FHOD3: variants seen among roughly 807,000 people sequenced by gnomAD.
FHOD3 encodes formin homology 2 domain containing 3, also known as FH1/FH2 domain-containing protein 3.
FHOD3 carries 90 observed loss-of-function variants against 173.0 expected under a neutral mutation model. That is an observed-to-expected ratio of 0.52 (90% CI 0.44 to 0.62). The LOEUF (loss-of-function observed/expected upper bound fraction) is 0.62, where lower values mean the gene tolerates loss of function less well. Among genes scored for constraint, FHOD3 ranks in the 20% least tolerant of loss-of-function variants. The pLI is 0.00. For synonymous variants in FHOD3, 828 were observed against 823.0 expected (o/e 1.01, Z -0.10); for missense variants, 1,945 against 2,034.7 (o/e 0.96, Z 0.85).
intron 2 of FHOD3, among the ~76,000 whole-genome samples, chr18:36,363,580 G>A (rs968805416): frequency 6.6e-6 from 1 of 152,138 alleles, no homozygotes; most frequent in Non-Finnish European, 1.5e-5. Flanking sequence ...ATGACATTCC[G>A]AGAAAGGCAA....
chr18:36,771,579 T>C lies in FHOD3; in HGVS notation c.4786+2153T>C, dbSNP rs56968817. 4.0e-3 allele frequency among the ~76,000 whole-genome samples: 604 copies of C among 152,364 alleles called. 5 individuals are homozygous for C. Among genetic ancestry groups the C allele is most frequent in the African/African-American group, 0.014 (564 of 41,582 alleles). ...ACTTCCAAAAGATTTTTTGAGGTCT[T>C]AAGTAGTTTATCTTCAGTAGTTGCC... On this transcript the variant is annotated intron_variant, in intron 28 of 28. Coordinates refer to ENST00000590592, the MANE Select transcript of FHOD3 (RefSeq NM_001281740.3).
intron 1 of FHOD3, among the ~76,000 whole-genome samples, chr18:36,335,450 G>C (rs1390411564): frequency 1.4e-4 from 21 of 150,324 alleles, no homozygotes; most frequent in South Asian, 4.2e-4. Flanking sequence ...AGCCGAGATC[G>C]CGCCACTGCA....
chr18:36,347,940 T>A (rs1203344351), intron 1 of FHOD3, among the ~76,000 whole-genome samples: 2 of 152,368 alleles, frequency 1.3e-5, no homozygotes, highest in East Asian at 3.9e-4. Context: ...ATGAAATGAA[T>A]ACCACATTCT....
In FHOD3 at chr18:36,652,643, G is replaced by A. The variant is rs770189888; in HGVS notation, c.1360G>A (p.Val454Ile). 2 of 1,535,366 alleles carry A rather than the reference G, an allele frequency of 1.3e-6. No homozygotes were observed. The highest frequency in any genetic ancestry group is 1.4e-5 in the African/African-American group (1 of 73,026). ...AAPKSSALPA[V>I]SNASSQGKPL... ...TCCCAAGAGCTCTGCCCTCCCTGCT[G>A]TCTCGAATGCCAGCTCGCAGGGAAA... The change falls in exon 12 of 29, where the codon GTC becomes ATC. Residue 454 changes from valine (V) to isoleucine (I), a missense_variant. Val to Ile is a conservative substitution (Grantham distance 29). This residue lies in a region of FHOD3 where 1,099 missense variants were observed against 1,051.2 expected (regional missense o/e 1.05). Coordinates refer to ENST00000590592, the MANE Select transcript of FHOD3 (RefSeq NM_001281740.3).
intron 3 of FHOD3, among the ~76,000 whole-genome samples, chr18:36,438,735 C>T (rs2143614353): frequency 6.6e-6 from 1 of 152,306 alleles, no homozygotes; most frequent in African/African-American, 2.4e-5. Flanking sequence ...GGCTCAGGCC[C>T]TCTCACTCTC....
chr18:36,722,359 C>CA (rs2040836415), intron 19 of FHOD3, among the ~76,000 whole-genome samples: 1 of 152,138 alleles, frequency 6.6e-6, no homozygotes, highest in African/African-American at 2.4e-5. Context: ...CTCCTGTTCT[C>CA]AAAGGGCAGC....
At chr18:36,622,594 G>A (rs1018078584) in intron 9 of FHOD3, among the ~76,000 whole-genome samples, 3 of 152,208 alleles carry the variant, frequency 2.0e-5, no homozygotes, top group African/African-American at 7.2e-5. Context: ...TCTAGCAAAT[G>A]AGTCACTCCA....
In FHOD3 at chr18:36,771,293, CT is replaced by C. The variant is rs535130678; in HGVS notation, c.4786+1868del. On this transcript the variant is annotated intron_variant, in intron 28 of 28. Coordinates refer to ENST00000590592, the MANE Select transcript of FHOD3 (RefSeq NM_001281740.3). ...CGGGGCATGAGACCAGGAGTGGAAA[CT>C]CTTCTCCGAAGGGGCGAGGCTAATC... Among the ~76,000 whole-genome samples the C allele has an allele frequency of 2.5e-4, 38 of 152,326 alleles. No homozygotes were observed. The East Asian group carries it at 7.0e-3, about 28-fold the overall frequency.
At chr18:36,558,417 T>C (rs554596947) in intron 5 of FHOD3, among the ~76,000 whole-genome samples, 1 of 152,308 alleles carries the variant, frequency 6.6e-6, no homozygotes, top group African/African-American at 2.4e-5. Flanking sequence ...TTTTTATATG[T>C]TTCAGGCAGA....
At chr18:36,764,959 CA>C (rs1333955197) in intron 27 of FHOD3, among the ~76,000 whole-genome samples, 170 of 152,278 alleles carry the variant, frequency 1.1e-3, no homozygotes, top group African/African-American at 3.6e-3. Flanking sequence ...AATCTGGGCA[CA>C]AGCTGAGGAT....
intron 5 of FHOD3, among the ~76,000 whole-genome samples, chr18:36,570,725 G>A (rs1264175665): frequency 1.3e-5 from 2 of 152,086 alleles, no homozygotes; most frequent in Non-Finnish European, 2.9e-5. Flanking sequence ...TTGAAATTCA[G>A]TTAGTATAAC....
chr18:36,307,216 C>T (rs1354054848), intron 1 of FHOD3, among the ~76,000 whole-genome samples: 1 of 152,218 alleles, frequency 6.6e-6, no homozygotes, highest in Non-Finnish European at 1.5e-5. Context: ...CCCGCGTCAG[C>T]CTCCCAAAGT....
intron 5 of FHOD3, among the ~76,000 whole-genome samples, chr18:36,559,973 G>C (rs2058031488): frequency 6.6e-6 from 1 of 152,082 alleles, no homozygotes; most frequent in South Asian, 2.1e-4. Context: ...AGCTGAGAGA[G>C]GCATACTTTT....
intron 3 of FHOD3, among the ~76,000 whole-genome samples, chr18:36,449,405 C>A (rs73421015): frequency 0.056 from 8,580 of 152,216 alleles, 668 homozygotes; most frequent in East Asian, 0.26. Flanking sequence ...GCTGCATATG[C>A]CCTTGTCATC....
intron 15 of FHOD3, among the ~76,000 whole-genome samples, chr18:36,684,229 A>G (rs1388658620): frequency 6.6e-6 from 1 of 152,226 alleles, no homozygotes; most frequent in Non-Finnish European, 1.5e-5. Context: ...AATACAAAAT[A>G]AAACAAAAAT....
At position 36,728,436 on chromosome 18, in the gene FHOD3, G is replaced by A. The variant is rs750267219; in HGVS notation, c.3418-2210G>A. ...CTGATAAGTTTCTTAGGTCAACTAC[G>A]TAGAACAGAACACTTTCCCTGAAGA... On this transcript the variant is annotated intron_variant, in intron 19 of 28. Coordinates refer to ENST00000590592, the MANE Select transcript of FHOD3 (RefSeq NM_001281740.3). Among the ~76,000 whole-genome samples, 11 of 152,152 alleles carry A rather than the reference G, an allele frequency of 7.2e-5. 1 individual carries two copies. Among genetic ancestry groups the A allele is most frequent in the Non-Finnish European group, 1.0e-4 (7 of 68,042 alleles).
rs141743613 is a variant in FHOD3 at position 36,550,727 on chromosome 18, A to G, written c.512-25724A>G. On this transcript the variant is annotated intron_variant, in intron 5 of 28. Transcript: ENST00000590592. The stretch of plus-strand genomic sequence containing the variant: ...TTAAAATTCCAATTTCAAATTGCTC[A>G]TTTGTATTTTTTAGACATACAACTT... Among the ~76,000 whole-genome samples, 588 of 152,158 alleles carry G rather than the reference A, an allele frequency of 3.9e-3. 8 individuals carry two copies. The highest frequency in any genetic ancestry group is 5.5e-3 in the Non-Finnish European group (372 of 67,990).
At chr18:36,550,604 C>G (rs2057612644) in intron 5 of FHOD3, among the ~76,000 whole-genome samples, 3 of 152,158 alleles carry the variant, frequency 2.0e-5, no homozygotes, top group South Asian at 2.1e-4. Flanking sequence ...ATTTAGGTCA[C>G]TAATTTCTCT....
chr18:36,556,885 T>C (rs2057909162), intron 5 of FHOD3, among the ~76,000 whole-genome samples: 1 of 152,212 alleles, frequency 6.6e-6, no homozygotes, highest in Admixed American at 6.5e-5. Context: ...TTTACCTTTG[T>C]GTATCTGAAC....
Sources: gnomAD v4.1 joint callset for allele counts (sites outside exome capture counted in the v4.1 genomes callset) on GRCh38, gnomAD v4.1.1 for gene constraint, gnomAD v4.1.1 regional missense constraint, MANE v1.5 for transcripts, NCBI Gene and HGNC (gene_info 2026-07-23, HGNC 2026-07-21) for gene names.